Variants in BUB1 observed in about 807,000 individuals in gnomAD.
BUB1 encodes mitotic checkpoint serine/threonine-protein kinase BUB1.
Under a neutral mutation model 135.2 loss-of-function variants are expected in BUB1, and 84 were observed. That is an observed-to-expected ratio of 0.62 (90% confidence interval 0.52 to 0.74). The LOEUF (loss-of-function observed/expected upper bound fraction) is 0.74, where lower values mean the gene tolerates loss of function less well. Ranked by LOEUF, BUB1 falls within the 30% of genes least tolerant of loss-of-function variation. BUB1 has a pLI of 0.00. For synonymous variants in BUB1, 403 were observed against 434.4 expected, an observed-to-expected ratio of 0.93 and a Z score of 0.90; for missense variants, 1,162 against 1,288.3, an observed-to-expected ratio of 0.90 and a Z score of 1.50.
At position 110,661,566 on chromosome 2, in the gene BUB1, A is replaced by G; in HGVS notation, c.1217+16T>C. 1 of 1,612,258 alleles carries G rather than the reference A, an allele frequency of 6.2e-7. No individual in the cohort carries two copies. Among genetic ancestry groups the G allele is most frequent in the Non-Finnish European group, 8.5e-7 (1 of 1,179,002 alleles). ...CACTCACATCACTGTGATCTCTAGG[A>G]CTACCTTCAGCTTACCCAGCATCTT... is the stretch of plus-strand genomic sequence containing the variant. On this transcript the variant is annotated intron_variant, in intron 10 of 24. Transcript: ENST00000302759.
chr2:110,641,588 C>T, intron 21 of BUB1, 54 bp downstream of exon 21: 2 of 1,586,648 alleles, frequency 1.3e-6, no homozygotes, highest in Non-Finnish European at 1.7e-6. Flanking sequence ...GTGCAAGGTA[C>T]AAGCCAAAAA....
At position 110,674,081 on chromosome 2, in the gene BUB1, C is replaced by T. The variant is rs993924950; in HGVS notation, c.225+5G>A. 1.3e-6 allele frequency: 2 copies of T among 1,508,608 alleles called. No individual in the cohort carries two copies. The highest frequency in any genetic ancestry group is 1.8e-6 in the Non-Finnish European group (2 of 1,095,384). The allele number at this position is 1,508,608 out of a possible 1,614,324, so 93.5% of individuals were successfully genotyped here. A position where few individuals can be genotyped will look rare whatever the true frequency, so the allele number is the denominator to read the frequency against. ...GATTTGATTATACATCTTAAGTATA[C>T]TTACAAATTTTAAACAATAACTGAT... On this transcript the variant is annotated splice_donor_5th_base_variant and intron_variant, in intron 3 of 24. Coordinates refer to ENST00000302759, the MANE Select transcript of BUB1 (RefSeq NM_004336.5).
At chr2:110,669,919 C>T (rs1276480598) in intron 5 of BUB1, among the ~76,000 whole-genome samples, 4 of 151,752 alleles carry the variant, frequency 2.6e-5, no homozygotes, top group African/African-American at 9.7e-5. Flanking sequence ...TAGATGGAGT[C>T]CAGATTAAGT....
At chr2:110,659,952 A>G (rs1334856692) in intron 11 of BUB1, 26 bp downstream of exon 11, 5 of 1,592,624 alleles carry the variant, frequency 3.1e-6, no homozygotes, top group Non-Finnish European at 4.3e-6. Context: ...CTGGACAGAA[A>G]CACATTTATT....
chr2:110,662,308 T>C (rs1690122540), intron 9 of BUB1, among the ~76,000 whole-genome samples: 4 of 152,070 alleles, frequency 2.6e-5, no homozygotes, highest in African/African-American at 9.7e-5. Context: ...CTTTGAAGAA[T>C]AGGAAACACA....
chr2:110,671,753 G>A (rs556798278), intron 4 of BUB1, among the ~76,000 whole-genome samples: 1 of 152,214 alleles, frequency 6.6e-6, no homozygotes, highest in African/African-American at 2.4e-5. Flanking sequence ...AGACCTTGAC[G>A]CAAAGCTGTA....
chr2:110,650,492 T>A, intron 18 of BUB1, 54 bp downstream of exon 18: 3 of 1,545,832 alleles, frequency 1.9e-6, no homozygotes, highest in Non-Finnish European at 2.7e-6. Flanking sequence ...TGGGACAGCT[T>A]TCCCCATGCT....
At chr2:110,654,779 T>C (rs1238159348) in intron 16 of BUB1, among the ~76,000 whole-genome samples, 1 of 152,188 alleles carries the variant, frequency 6.6e-6, no homozygotes, top group African/African-American at 2.4e-5. Context: ...CAAAAATGTT[T>C]AGGTCTATAG....
rs1689756121 is a variant in BUB1 at position 110,650,545 on chromosome 2, C to T, written c.2203+1G>A. On this transcript the variant is annotated splice_donor_variant, in intron 18 of 24. Coordinates refer to ENST00000302759, the MANE Select transcript of BUB1 (RefSeq NM_004336.5). LOFTEE classifies it high-confidence loss of function. Reference sequence around the variant, plus strand: ...GCATAACAAAGAGTGAGTGTTCGTACTTGGAGCATCAACAGTCCCAAGTGA... The same window carrying T: ...GCATAACAAAGAGTGAGTGTTCGTATTTGGAGCATCAACAGTCCCAAGTGA... The T allele has an allele frequency of 3.1e-6, 5 of 1,612,766 alleles. No homozygotes were observed. The highest frequency in any genetic ancestry group is 4.2e-6 in the Non-Finnish European group (5 of 1,179,332).
Position 110,670,578 on chromosome 2 carries a change from A to G in BUB1, c.423-10T>C. 1.9e-6 allele frequency: 3 copies of G among 1,613,814 alleles called. No individual in the cohort carries two copies. Among genetic ancestry groups the G allele is most frequent in the Non-Finnish European group, 2.5e-6 (3 of 1,179,688 alleles). ...GCGTGTCTGAAATAACCTAAATGACAGCAGAAAAGGCATCAATGTAGATTA... is the reference window on the plus strand; with the variant it reads ...GCGTGTCTGAAATAACCTAAATGACGGCAGAAAAGGCATCAATGTAGATTA... On this transcript the variant is annotated splice_polypyrimidine_tract_variant and intron_variant, in intron 4 of 24. Transcript: ENST00000302759.
chr2:110,641,735 A>G lies in BUB1; in HGVS notation c.2532T>C (p.Ser844=). 1 of 1,612,078 alleles carries G rather than the reference A, an allele frequency of 6.2e-7. No homozygotes were observed. Among genetic ancestry groups the G allele is most frequent in the South Asian group, 1.1e-5 (1 of 91,088 alleles). Residue 844 remains serine, a synonymous_variant, in exon 21 of 25, where the codon TCT becomes TCC. Coordinates refer to ENST00000302759, the MANE Select transcript of BUB1 (RefSeq NM_004336.5). ...AGAACTTCATAAACATGTGCTGCATAGATGGCTTTAGTCTTTCCATCAACT... is the reference window on the plus strand; with the variant it reads ...AGAACTTCATAAACATGTGCTGCATGGATGGCTTTAGTCTTTCCATCAACT... ...GTQLMERLKP[S]MQHMFMKFYS... is the part of the protein sequence containing the mutation.
Position 110,666,386 on chromosome 2 carries a change from C to T in BUB1, c.834G>A (p.Arg278=). The stretch of plus-strand genomic sequence containing the variant: ...GTTCTTCAAAAGCATTTGCTTCTTT[C>T]CTTTTCATATAATGTCTGTCTTCAT... ...WVNEDRHYMK[R]KEANAFEEQL... The change falls in exon 9 of 25, where the codon AGG becomes AGA. Residue 278 remains arginine (R), a synonymous_variant. Coordinates refer to ENST00000302759, the MANE Select transcript of BUB1 (RefSeq NM_004336.5). 1 of 1,497,854 alleles carries T rather than the reference C, an allele frequency of 6.7e-7. No homozygotes were observed. The highest frequency in any genetic ancestry group is 1.4e-5 in the South Asian group (1 of 69,696). 92.8% of individuals were successfully genotyped at this position (1,497,854 alleles called of 1,614,324 possible).
chr2:110,678,030 G>T lies in BUB1; in HGVS notation c.-35C>A, dbSNP rs373701837. Reference sequence around the variant, plus strand: ...ACGCTGGCCGGCAGCGGCCAAACCTGAACCGCAAACTAGAAGCCGCCGCCG... The same window carrying T: ...ACGCTGGCCGGCAGCGGCCAAACCTTAACCGCAAACTAGAAGCCGCCGCCG... On this transcript the variant is annotated 5_prime_UTR_variant, in exon 1 of 25. Transcript: ENST00000302759. 2.1e-5 allele frequency: 34 copies of T among 1,591,954 alleles called. No individual in the cohort carries two copies. Among genetic ancestry groups the T allele is most frequent in the Non-Finnish European group, 4.3e-6 (5 of 1,171,204 alleles).
Position 110,667,850 on chromosome 2 carries a change from C to T in BUB1, c.568-1G>A. 2 of 1,611,044 alleles carry T rather than the reference C, an allele frequency of 1.2e-6. No individual in the cohort carries two copies. Among genetic ancestry groups the T allele is most frequent in the Non-Finnish European group, 1.7e-6 (2 of 1,179,186 alleles). On this transcript the variant is annotated splice_acceptor_variant, in intron 6 of 24. Coordinates refer to ENST00000302759, the MANE Select transcript of BUB1 (RefSeq NM_004336.5). LOFTEE classifies it high-confidence loss of function. Reference sequence around the variant, plus strand: ...ATATCACTCCAGAAAGCTCTGAACCCTAAAAAACAGAAAACAAACATGAGC... The same window carrying T: ...ATATCACTCCAGAAAGCTCTGAACCTTAAAAAACAGAAAACAAACATGAGC...
At position 110,673,652 on chromosome 2, in the gene BUB1, G is replaced by A. The variant is rs914205977; in HGVS notation, c.225+434C>T. On this transcript the variant is annotated intron_variant, in intron 3 of 24. Coordinates refer to ENST00000302759, the MANE Select transcript of BUB1 (RefSeq NM_004336.5). ...TCTGTCACCCAGGCTGGAGTGCAGT[G>A]ACATGATCTGATCTCGGCTCATGGC... Among the ~76,000 whole-genome samples, 6 of 152,170 alleles carry A rather than the reference G, an allele frequency of 3.9e-5. No individual in the cohort carries two copies. The South Asian group carries it at 1.2e-3, about 32-fold the overall frequency.
chr2:110,644,444 T>C lies in BUB1; in HGVS notation c.2348-2210A>G, dbSNP rs538508394. On this transcript the variant is annotated intron_variant, in intron 19 of 24. Coordinates refer to ENST00000302759, the MANE Select transcript of BUB1 (RefSeq NM_004336.5). ...GTGCACCAAGATTGTGCCACTGCAC[T>C]GTAGCCTGGGCAAAAAAGAGCAAAA... Among the ~76,000 whole-genome samples, 62 of 143,738 alleles carry C rather than the reference T, an allele frequency of 4.3e-4. No homozygotes were observed. The Admixed American group carries it at 4.5e-3, about 10-fold the overall frequency. The allele number at this position is 143,738 out of a possible 152,430, so 94.3% of individuals were successfully genotyped here. A position where few individuals can be genotyped will look rare whatever the true frequency, so the allele number is the denominator to read the frequency against.
chr2:110,658,281 T>C (rs967847767), intron 13 of BUB1, 129 bp downstream of exon 13: 2 of 707,130 alleles, frequency 2.8e-6, no homozygotes, highest in African/African-American at 3.6e-5. Context: ...CTTATTTTTA[T>C]TTCATGCATT....
At position 110,637,978 on chromosome 2, in the gene BUB1, G is replaced by T. The variant is rs372788700; in HGVS notation, c.3244C>A (p.Arg1082Ser). The T allele has an allele frequency of 6.7e-7, 1 of 1,496,684 alleles. No homozygotes were observed. The highest frequency in any genetic ancestry group is 1.4e-5 in the South Asian group (1 of 72,240). The allele number at this position is 1,496,684 out of a possible 1,614,324, so 92.7% of individuals were successfully genotyped here. Reference sequence around the variant, plus strand: ...ATATCCAAATTTTATTTTCGTGAACGCTTACATTCTAAGAGCAGTACAATT... The same window carrying T: ...ATATCCAAATTTTATTTTCGTGAACTCTTACATTCTAAGAGCAGTACAATT... Reference protein sequence around the residue: ...RLIVLLLECKRSRK With the variant: ...RLIVLLLECKSSRK The change falls in exon 25 of 25, where the codon CGT (arginine) becomes AGT (serine). Residue 1082 changes from arginine (R) to serine (S), a missense_variant. Arg to Ser is a moderately radical substitution (Grantham distance 110). Coordinates refer to ENST00000302759, the MANE Select transcript of BUB1 (RefSeq NM_004336.5).
chr2:110,658,975 G>A (rs1342880218), intron 11 of BUB1, among the ~76,000 whole-genome samples: 1 of 152,224 alleles, frequency 6.6e-6, no homozygotes, highest in Non-Finnish European at 1.5e-5. Context: ...AAGGCTGAGA[G>A]AGATTGAGTG....
Sources: allele counts gnomAD v4.1 joint callset (sites outside exome capture counted in the v4.1 genomes callset), GRCh38; gene constraint gnomAD v4.1.1; transcripts MANE v1.5; gene names NCBI Gene and HGNC (gene_info 2026-07-23, HGNC 2026-07-21).